The following AKAP19 variants were observed in gnomAD, a reference collection of about 807,000 sequenced individuals.
AKAP19 encodes the protein small A-kinase anchoring protein.
the AKAP19 span, chr2:189,923,804 A>C: frequency 6.2e-7 from 1 of 1,611,954 alleles, no homozygotes; most frequent in African/African-American, 1.3e-5. Flanking sequence ...ACAAAGGGGC[A>C]TAAGTGGCTT....
At chr2:190,095,052 A>T in the AKAP19 span, among the ~76,000 whole-genome samples, 2 of 152,096 alleles carry the variant, frequency 1.3e-5, no homozygotes, top group South Asian at 4.1e-4. Flanking sequence ...GTGAAACCCC[A>T]TCTCTACTAA....
the AKAP19 span, among the ~76,000 whole-genome samples, chr2:189,998,771 C>CTTTTTTTTTTTTTTTTTTTTTTTTTTT: frequency 2.4e-4 from 23 of 97,544 alleles, no homozygotes; most frequent in African/African-American, 3.0e-4. Context: ...TTCTTTCTTT[C>CTTTTTTTTTTTTTTTTTTTTTTTTTTT]TTTTTTTTTT....
chr2:190,096,981 G>C, the AKAP19 span, among the ~76,000 whole-genome samples: 1 of 152,152 alleles, frequency 6.6e-6, no homozygotes, highest in Non-Finnish European at 1.5e-5. Flanking sequence ...GTTACACTGG[G>C]ATTAAGTTTT....
At chr2:190,073,814 G>A in the AKAP19 span, among the ~76,000 whole-genome samples, 1 of 151,920 alleles carries the variant, frequency 6.6e-6, no homozygotes. Flanking sequence ...CACTTTGGGA[G>A]GCCAAGGTGA....
chr2:189,899,405 T>C, the AKAP19 span, among the ~76,000 whole-genome samples: 1 of 152,182 alleles, frequency 6.6e-6, no homozygotes, highest in African/African-American at 2.4e-5. Flanking sequence ...CTCCTTCATA[T>C]AGATTCCTTG....
the AKAP19 span, among the ~76,000 whole-genome samples, chr2:190,175,150 G>C: frequency 6.6e-6 from 1 of 152,128 alleles, no homozygotes; most frequent in East Asian, 1.9e-4. Context: ...CCTCTTTGGG[G>C]ATTGTTAAAT....
At chr2:190,004,056 G>C in the AKAP19 span, among the ~76,000 whole-genome samples, 7 of 150,166 alleles carry the variant, frequency 4.7e-5, no homozygotes, top group Non-Finnish European at 1.0e-4. Flanking sequence ...CATTTTGGGG[G>C]AGCCTGGATT....
the AKAP19 span, among the ~76,000 whole-genome samples, chr2:189,893,793 A>G: frequency 6.6e-6 from 1 of 152,202 alleles, no homozygotes; most frequent in Non-Finnish European, 1.5e-5. Flanking sequence ...GCAATAAAAA[A>G]ATAACAATAT....
the AKAP19 span, among the ~76,000 whole-genome samples, chr2:189,973,969 C>T: frequency 1.3e-5 from 2 of 152,050 alleles, no homozygotes; most frequent in South Asian, 2.1e-4. Flanking sequence ...TTTTTTGTGT[C>T]TCTATTTCCT....
chr2:189,966,204 G>A, the AKAP19 span, among the ~76,000 whole-genome samples: 379 of 149,176 alleles, frequency 2.5e-3, 2 homozygotes, highest in African/African-American at 8.7e-3. Context: ...GGTGAGAAGG[G>A]GGTGAGGGAA....
the AKAP19 span, chr2:189,924,065 G>T: frequency 7.2e-6 from 11 of 1,534,932 alleles, no homozygotes; most frequent in East Asian, 2.0e-4. Flanking sequence ...TGAGGGGGGT[G>T]CAGATGACTC....
At chr2:190,197,995 T>C in the AKAP19 span, among the ~76,000 whole-genome samples, 432 of 152,298 alleles carry the variant, frequency 2.8e-3, no homozygotes, top group Non-Finnish European at 3.6e-3. This position sits in a 1 kb window ranked among gnomAD's most constrained non-coding sequence, Gnocchi z 4.0. Context: ...TGAAAAATCA[T>C]AACATGCTGA....
At chr2:190,062,084 GA>G in the AKAP19 span, 20 of 892,906 alleles carry the variant, frequency 2.2e-5, no homozygotes, top group Non-Finnish European at 3.4e-5. Context: ...ATGCAATCTT[GA>G]AAAAGAGAAA....
the AKAP19 span, among the ~76,000 whole-genome samples, chr2:189,889,874 A>C: frequency 5.3e-5 from 8 of 152,322 alleles, 1 homozygote; most frequent in South Asian, 1.7e-3. Flanking sequence ...TCAAAAAACC[A>C]GGTCTTGGAT....
the AKAP19 span, among the ~76,000 whole-genome samples, chr2:189,991,825 T>C: frequency 3.3e-5 from 5 of 152,216 alleles, no homozygotes; most frequent in Non-Finnish European, 5.9e-5. Context: ...TTTTTATGGT[T>C]TCAGGTCTTA....
the AKAP19 span, chr2:190,079,099 C>T: frequency 2.0e-5 from 3 of 152,318 alleles, no homozygotes; most frequent in East Asian, 1.9e-4. Flanking sequence ...GCTCCAGACT[C>T]ATATTCAACA....
At chr2:190,176,555 G>A in the AKAP19 span, among the ~76,000 whole-genome samples, 1 of 152,020 alleles carries the variant, frequency 6.6e-6, no homozygotes, top group Non-Finnish European at 1.5e-5. This position sits in a 1 kb window ranked among gnomAD's most constrained non-coding sequence, Gnocchi z 4.7. Flanking sequence ...TCAGTATGTT[G>A]GCCAGGCTGG....
the AKAP19 span, among the ~76,000 whole-genome samples, chr2:189,944,490 C>T: frequency 6.6e-5 from 10 of 152,196 alleles, no homozygotes; most frequent in East Asian, 1.4e-3. Flanking sequence ...ATTATCCCAC[C>T]TCGGGTATTT....
the AKAP19 span, among the ~76,000 whole-genome samples, chr2:189,909,209 T>C: frequency 1.4e-3 from 206 of 146,338 alleles, 1 homozygote; most frequent in African/African-American, 5.1e-3. Flanking sequence ...TTGCATATAA[T>C]ATATATATAT....
Sources: gnomAD v4.1 joint callset for allele counts (sites outside exome capture counted in the v4.1 genomes callset) on GRCh38, gnomAD v4.1.1 for gene constraint, Gnocchi (gnomAD v3.1) non-coding constraint, MANE v1.5 for transcripts, NCBI Gene and HGNC (gene_info 2026-07-23, HGNC 2026-07-21) for gene names.